CDIP1: variants seen among roughly 807,000 people sequenced by gnomAD.
The protein encoded by CDIP1 is cell death-inducing p53-target protein 1.
In CDIP1, 9 loss-of-function variants were observed where a neutral mutation model predicts 17.7. The observed-to-expected ratio is 0.51, with a 90% CI of 0.31 to 0.89. The LOEUF is 0.89. Ranked by LOEUF, CDIP1 falls within the 40% of genes least tolerant of loss-of-function variation. The probability of loss-of-function intolerance (pLI) is 0.05; values close to 1 mark genes in which losing one functional copy is unlikely to be tolerated. For synonymous variants in CDIP1, 117 were observed against 109.5 expected (o/e 1.07, Z -0.43); for missense variants, 263 against 277.9 (o/e 0.95, Z 0.38).
chr16:4,533,811 C>T (rs2059079115), intron 1 of CDIP1: 1 of 151,318 alleles, frequency 6.6e-6, no homozygotes, highest in Non-Finnish European at 1.5e-5. Flanking sequence ...CCAGGGGATT[C>T]TCTGTCCCTT....
chr16:4,519,865 T>C (rs1191034190), intron 1 of CDIP1, among the ~76,000 whole-genome samples: 1 of 152,102 alleles, frequency 6.6e-6, no homozygotes, highest in Non-Finnish European at 1.5e-5. Flanking sequence ...GGAAGCAGCC[T>C]GAGGCCCTCA....
At chr16:4,528,251 T>C (rs969756887) in intron 1 of CDIP1, among the ~76,000 whole-genome samples, 9 of 152,240 alleles carry the variant, frequency 5.9e-5, no homozygotes, top group Admixed American at 2.6e-4. Flanking sequence ...CTTTGTTTTT[T>C]CCTTTTTGTG....
chr16:4,529,922 C>T (rs2059038061), intron 1 of CDIP1, among the ~76,000 whole-genome samples: 1 of 152,258 alleles, frequency 6.6e-6, no homozygotes, highest in African/African-American at 2.4e-5. Flanking sequence ...CTGGGCTCTG[C>T]CCGCGGCCAG....
chr16:4,512,531 G>T lies in CDIP1; in HGVS notation c.*41C>A. ...TGAGCACAGGGAGCAAAGCACAGGG[G>T]GCCAGACTGACAGGCGGGGGAGTCC... is the stretch of plus-strand genomic sequence containing the variant. On this transcript the variant is annotated 3_prime_UTR_variant, in exon 6 of 6. Transcript: ENST00000567695. This position sits in a 1 kb window ranked among gnomAD's most constrained non-coding sequence, Gnocchi z 4.6. 1 of 1,433,600 alleles carries T rather than the reference G, an allele frequency of 7.0e-7. No homozygotes were observed. Among genetic ancestry groups the T allele is most frequent in the Non-Finnish European group, 9.8e-7 (1 of 1,016,074 alleles). 88.8% of individuals were successfully genotyped at this position (1,433,600 alleles called of 1,614,324 possible).
chr16:4,517,190 T>A (rs920512576), intron 1 of CDIP1, among the ~76,000 whole-genome samples: 4 of 152,228 alleles, frequency 2.6e-5, no homozygotes. Flanking sequence ...TTTGAAAGGA[T>A]GCCAATTTAT....
intron 1 of CDIP1, among the ~76,000 whole-genome samples, chr16:4,528,529 A>C (rs988965262): frequency 1.3e-5 from 2 of 152,078 alleles, no homozygotes; most frequent in Non-Finnish European, 2.9e-5. Context: ...CAAAATGCTC[A>C]TTATAAGTCA....
rs373066942 is a variant in CDIP1, at chr16:4,512,635, C to T, written c.564G>A (p.Lys188=). Residue 188 remains lysine (K), a synonymous_variant, in exon 6 of 6, where the codon AAG becomes AAA. Coordinates refer to ENST00000567695, the MANE Select transcript of CDIP1 (RefSeq NM_013399.3). This position sits in a 1 kb window ranked among gnomAD's most constrained non-coding sequence, Gnocchi z 4.6. ...AGCTGGGGCATGTGTGCGTCACATC[C>T]TTGAAGTCATTGATGAGGCAGGGGA... is the stretch of plus-strand genomic sequence containing the variant. ...CLIPCLINDF[K]DVTHTCPSCK... 19 of 1,613,966 alleles carry T rather than the reference C, an allele frequency of 1.2e-5. No homozygotes were observed. The highest frequency in any genetic ancestry group is 2.2e-5 in the East Asian group (1 of 44,886).
chr16:4,525,909 C>T (rs2058995097), intron 1 of CDIP1, among the ~76,000 whole-genome samples: 2 of 152,210 alleles, frequency 1.3e-5, no homozygotes, highest in African/African-American at 2.4e-5. Context: ...CAGATAACAT[C>T]GCGGGTGGCT....
rs756795477 is a variant in CDIP1 at position 4,513,191 on chromosome 16, C to A, written c.242-127G>T. ...CAAGGCTACGCCTCAGACCTCCTAC[C>A]GCCCTCCTAACGGGCCAGTGGGAGG... On this transcript the variant is annotated intron_variant, in intron 4 of 5. Transcript: ENST00000567695. This position sits in a 1 kb window ranked among gnomAD's most constrained non-coding sequence, Gnocchi z 4.1. 2 of 1,003,428 alleles carry A rather than the reference C, an allele frequency of 2.0e-6. No homozygotes were observed. The highest frequency in any genetic ancestry group is 2.9e-5 in the Admixed American group (1 of 34,284). The allele number at this position is 1,003,428 out of a possible 1,614,324, so 62.2% of individuals were successfully genotyped here.
At chr16:4,515,904 T>C (rs942248067) in intron 1 of CDIP1, among the ~76,000 whole-genome samples, 5 of 152,180 alleles carry the variant, frequency 3.3e-5, no homozygotes, top group Non-Finnish European at 7.4e-5. Context: ...AGTTACCAGA[T>C]GACCCAGCAA....
chr16:4,520,033 CT>C (rs1433542962), intron 1 of CDIP1, among the ~76,000 whole-genome samples: 1 of 152,120 alleles, frequency 6.6e-6, no homozygotes, highest in Non-Finnish European at 1.5e-5. Flanking sequence ...ATAAATTCCT[CT>C]TCTTTATGAA....
intron 1 of CDIP1, among the ~76,000 whole-genome samples, chr16:4,530,948 C>T (rs2059050586): frequency 6.6e-6 from 1 of 152,140 alleles, no homozygotes; most frequent in Non-Finnish European, 1.5e-5. Context: ...CCTGAGTTCA[C>T]TCATGCTGGC....
chr16:4,512,632 A>G lies in CDIP1; in HGVS notation c.567T>C (p.Asp189=). ...TGCAGCTGGGGCATGTGTGCGTCAC[A>G]TCCTTGAAGTCATTGATGAGGCAGG... ...LIPCLINDFK[D]VTHTCPSCKA... is the part of the protein sequence containing the mutation. Residue 189 remains aspartate, a synonymous_variant, in exon 6 of 6, where the codon GAT becomes GAC. Coordinates refer to ENST00000567695, the MANE Select transcript of CDIP1 (RefSeq NM_013399.3). The surrounding 1 kb of genome is among the most constrained non-coding windows in gnomAD (Gnocchi z 4.6). The G allele has an allele frequency of 6.2e-7, 1 of 1,614,054 alleles. No homozygotes were observed. Among genetic ancestry groups the G allele is most frequent in the Non-Finnish European group, 8.5e-7 (1 of 1,179,966 alleles).
chr16:4,514,146 T>C lies in CDIP1; in HGVS notation c.-14-2A>G. 1 of 1,518,056 alleles carries C rather than the reference T, an allele frequency of 6.6e-7. No individual in the cohort carries two copies. The highest frequency in any genetic ancestry group is 1.3e-5 in the South Asian group (1 of 78,130). The allele number at this position is 1,518,056 out of a possible 1,614,324, so 94.0% of individuals were successfully genotyped here. A position where few individuals can be genotyped will look rare whatever the true frequency, so the allele number is the denominator to read the frequency against. Reference sequence around the variant, plus strand: ...CGCTGGACATCTTCGCTGCTTCTCCTGGACATGGAGGGAAAACCCAGACAT... The same window carrying C: ...CGCTGGACATCTTCGCTGCTTCTCCCGGACATGGAGGGAAAACCCAGACAT... On this transcript the variant is annotated splice_acceptor_variant, in intron 2 of 5. Transcript: ENST00000567695. LOFTEE classifies it low-confidence loss of function (5UTR_SPLICE). This position sits in a 1 kb window ranked among gnomAD's most constrained non-coding sequence, Gnocchi z 5.2.
intron 1 of CDIP1, chr16:4,533,529 G>A (rs1337092835): frequency 1.3e-5 from 2 of 152,242 alleles, no homozygotes; most frequent in Admixed American, 1.3e-4. Context: ...GACCTTTCTC[G>A]TCTCCTTAAA....
At position 4,528,662 on chromosome 16, in the gene CDIP1, C is replaced by T. The variant is rs570377307; in HGVS notation, c.-105+10040G>A. ...CACCGCTGCACTCTAGCATGGACAA[C>T]AGTGGGGAAGAACCCTGTCTCAAAA... On this transcript the variant is annotated intron_variant, in intron 1 of 5. Transcript: ENST00000567695. 1.4e-3 allele frequency among the ~76,000 whole-genome samples: 143 copies of T among 101,352 alleles called. 3 individuals are homozygous for T. Among genetic ancestry groups the T allele is most frequent in the African/African-American group, 5.3e-3 (137 of 25,668 alleles). The allele number at this position is 101,352 out of a possible 152,430, so 66.5% of individuals were successfully genotyped here. A position where few individuals can be genotyped will look rare whatever the true frequency, so the allele number is the denominator to read the frequency against.
At position 4,516,404 on chromosome 16, in the gene CDIP1, C is replaced by T. The variant is rs563505706; in HGVS notation, c.-104-1740G>A. 3.3e-5 allele frequency among the ~76,000 whole-genome samples: 5 copies of T among 151,922 alleles called. No homozygotes were observed. The South Asian group carries it at 6.2e-4, about 19-fold the overall frequency. The stretch of plus-strand genomic sequence containing the variant: ...CTTTAAATGGGTGAATTGAATGGTA[C>T]GTAAATTATGTCAATAAAACTTATT... On this transcript the variant is annotated intron_variant, in intron 1 of 5. Coordinates refer to ENST00000567695, the MANE Select transcript of CDIP1 (RefSeq NM_013399.3).
intron 1 of CDIP1, among the ~76,000 whole-genome samples, chr16:4,530,264 T>C (rs115110624): frequency 0.011 from 1,735 of 152,352 alleles, 37 homozygotes; most frequent in African/African-American, 0.04. Flanking sequence ...ACTGAGTTTC[T>C]ATCACTCTTA....
At chr16:4,537,868 T>C (rs565207912) in intron 1 of CDIP1, among the ~76,000 whole-genome samples, 1 of 152,318 alleles carries the variant, frequency 6.6e-6, no homozygotes, top group South Asian at 2.1e-4. Flanking sequence ...GCGCGACTCC[T>C]AGCCCCAAGC....
Sources: gnomAD v4.1 joint callset for allele counts (sites outside exome capture counted in the v4.1 genomes callset) on GRCh38, gnomAD v4.1.1 for gene constraint, Gnocchi (gnomAD v3.1) non-coding constraint, MANE v1.5 for transcripts, NCBI Gene and HGNC (gene_info 2026-07-23, HGNC 2026-07-21) for gene names.